OMA1: variants seen among roughly 807,000 people sequenced by gnomAD.
The protein encoded by OMA1 is OMA1 zinc metallopeptidase.
A neutral mutation model predicts 30.9 loss-of-function variants in OMA1; 38 were observed. That is an observed-to-expected ratio of 1.23 (90% CI 0.95 to 1.61). OMA1 has a LOEUF of 1.61. OMA1 is among the 40% of genes most tolerant of loss of function. The pLI is 0.00. For missense variants in OMA1, 461 were observed against 349.2 expected (o/e 1.32, Z -2.55); for synonymous variants, 173 against 121.9 (o/e 1.42, Z -2.76).
At chr1:58,522,582 A>G (rs1376203464) in intron 7 of OMA1, among the ~76,000 whole-genome samples, 3 of 151,830 alleles carry the variant, frequency 2.0e-5, no homozygotes, top group African/African-American at 7.3e-5. Flanking sequence ...TAAAAAGTAC[A>G]GTTGACCCTT....
intron 7 of OMA1, among the ~76,000 whole-genome samples, chr1:58,516,573 T>C (rs1435684212): frequency 1.3e-5 from 2 of 152,118 alleles, no homozygotes; most frequent in Non-Finnish European, 2.9e-5. Flanking sequence ...AGAACTCCTA[T>C]AAAAACATAA....
intron 7 of OMA1, among the ~76,000 whole-genome samples, 171 bp from the exon 8 acceptor site, chr1:58,506,380 G>A (rs1301264106): frequency 6.6e-6 from 1 of 152,090 alleles, no homozygotes; most frequent in African/African-American, 2.4e-5. Flanking sequence ...TTGGTGTGCT[G>A]TACCCATTAA....
intron 8 of OMA1, among the ~76,000 whole-genome samples, chr1:58,485,306 C>T (rs551821835): frequency 1.0e-4 from 15 of 147,936 alleles, no homozygotes; most frequent in East Asian, 7.9e-4. Context: ...TTGTTTCTAC[C>T]GCTTTTGCTC....
At chr1:58,504,956 ACTT>A (rs1052222925) in intron 8 of OMA1, among the ~76,000 whole-genome samples, 10 of 151,620 alleles carry the variant, frequency 6.6e-5, no homozygotes, top group African/African-American at 2.2e-4. Flanking sequence ...ACTGAAAGAT[ACTT>A]CTTTTTTTTT....
At chr1:58,514,399 T>A (rs1481924946) in intron 7 of OMA1, among the ~76,000 whole-genome samples, 1 of 152,212 alleles carries the variant, frequency 6.6e-6, no homozygotes, top group African/African-American at 2.4e-5. Flanking sequence ...AGCCTAACTG[T>A]ACCGTTACCT....
intron 1 of OMA1, among the ~76,000 whole-genome samples, chr1:58,544,238 A>C (rs764866910): frequency 1.1e-4 from 17 of 152,196 alleles, no homozygotes; most frequent in Non-Finnish European, 4.4e-5. Context: ...CAGATTTTGT[A>C]TTTTTGACCT....
chr1:58,492,163 T>C (rs1645706516), intron 8 of OMA1, among the ~76,000 whole-genome samples: 1 of 152,144 alleles, frequency 6.6e-6, no homozygotes, highest in African/African-American at 2.4e-5. Flanking sequence ...CCTGAATGAC[T>C]ACTGGGTACA....
intron 8 of OMA1, among the ~76,000 whole-genome samples, chr1:58,486,518 C>A (rs780266061): frequency 6.6e-6 from 1 of 152,136 alleles, no homozygotes; most frequent in Non-Finnish European, 1.5e-5. Flanking sequence ...GCTTATCCTG[C>A]CTATTATTAC....
intron 1 of OMA1, 120 bp from the exon 2 acceptor site, chr1:58,539,430 CT>C: frequency 4.9e-6 from 3 of 617,442 alleles, no homozygotes; most frequent in Non-Finnish European, 5.6e-6. Flanking sequence ...GCTAAATTAC[CT>C]TGGGTTTCAA....
chr1:58,519,434 CAAAG>C (rs1301073465), intron 7 of OMA1, among the ~76,000 whole-genome samples: 1 of 152,066 alleles, frequency 6.6e-6, no homozygotes, highest in Non-Finnish European at 1.5e-5. Flanking sequence ...GAAGCTTCCC[CAAAG>C]AAAGAGCTAG....
intron 8 of OMA1, among the ~76,000 whole-genome samples, chr1:58,490,361 A>G (rs1353903940): frequency 1.3e-5 from 2 of 152,236 alleles, no homozygotes; most frequent in Non-Finnish European, 2.9e-5. Context: ...GATGAAATTA[A>G]TGAAATGAAG....
intron 5 of OMA1, among the ~76,000 whole-genome samples, chr1:58,531,865 T>C (rs1187934198): frequency 1.3e-5 from 2 of 151,978 alleles, no homozygotes; most frequent in Non-Finnish European, 2.9e-5. Flanking sequence ...CCCACCACCA[T>C]GCTCAGCTAT....
Position 58,480,906 on chromosome 1 carries a change from A to C in OMA1, c.*59T>G. 1 of 756,958 alleles carries C rather than the reference A, an allele frequency of 1.3e-6. No individual in the cohort carries two copies. Among genetic ancestry groups the C allele is most frequent in the Non-Finnish European group, 2.2e-6 (1 of 450,898 alleles). The allele number at this position is 756,958 out of a possible 1,614,324, so 46.9% of individuals were successfully genotyped here. A position where few individuals can be genotyped will look rare whatever the true frequency, so the allele number is the denominator to read the frequency against. ...TTCAAACATCATTTTTTAAAAAGTA[A>C]CATAAAATGATAAGGACTGCAACAT... On this transcript the variant is annotated 3_prime_UTR_variant, in exon 9 of 9. Coordinates refer to ENST00000371226, the MANE Select transcript of OMA1 (RefSeq NM_145243.5).
chr1:58,493,687 A>G (rs1427992534), intron 8 of OMA1, among the ~76,000 whole-genome samples: 2 of 151,822 alleles, frequency 1.3e-5, no homozygotes, highest in Non-Finnish European at 2.9e-5. Context: ...AGAGAATAAA[A>G]TAGCTAGGAA....
intron 8 of OMA1, among the ~76,000 whole-genome samples, chr1:58,495,612 T>G (rs990734366): frequency 6.6e-6 from 1 of 152,076 alleles, no homozygotes. Flanking sequence ...TTCCTGATTG[T>G]CAGTAGATTC....
chr1:58,537,283 C>T (rs1646533197), intron 2 of OMA1, among the ~76,000 whole-genome samples: 1 of 152,066 alleles, frequency 6.6e-6, no homozygotes, highest in South Asian at 2.1e-4. Context: ...GGTTACAGTA[C>T]AATAAATCTA....
intron 8 of OMA1, among the ~76,000 whole-genome samples, chr1:58,492,005 A>T (rs1645702701): frequency 6.6e-6 from 1 of 152,236 alleles, no homozygotes; most frequent in Non-Finnish European, 1.5e-5. Flanking sequence ...AATTGACCAC[A>T]TAGTTGGAAG....
At chr1:58,523,607 C>T (rs1275163545) in intron 7 of OMA1, among the ~76,000 whole-genome samples, 2 of 152,116 alleles carry the variant, frequency 1.3e-5, no homozygotes, top group Non-Finnish European at 2.9e-5. Context: ...GTAAAAAGAA[C>T]TGGCAGTCCT....
intron 1 of OMA1, among the ~76,000 whole-genome samples, chr1:58,541,258 CATTCCAGCCTGGGCAA>C (rs1646604856): frequency 1.9e-5 from 2 of 108,008 alleles, no homozygotes; most frequent in African/African-American, 7.3e-5. Context: ...GACGCCACTG[CATTCCAGCCTGGGCAA>C]CAGAGTGAGA....
Sources: allele counts gnomAD v4.1 joint callset (sites outside exome capture counted in the v4.1 genomes callset), GRCh38; gene constraint gnomAD v4.1.1; transcripts MANE v1.5; gene names NCBI Gene and HGNC (gene_info 2026-07-23, HGNC 2026-07-21).